Variants in AFAP1L2 observed in about 807,000 individuals in gnomAD.
AFAP1L2 encodes actin filament-associated protein 1-like 2.
Under a neutral mutation model 99.3 loss-of-function variants are expected in AFAP1L2, and 46 were observed. The observed-to-expected ratio is 0.46, with a 90% confidence interval of 0.37 to 0.59. The LOEUF (loss-of-function observed/expected upper bound fraction) is 0.59. Among genes scored for constraint, AFAP1L2 ranks in the 20% least tolerant of loss-of-function variants. AFAP1L2 has a pLI of 0.00. For missense variants in AFAP1L2, 959 were observed against 1,034.9 expected, an observed-to-expected ratio of 0.93 and a Z score of 1.01; for synonymous variants, 397 against 419.1, an observed-to-expected ratio of 0.95 and a Z score of 0.64.
intron 1 of AFAP1L2, among the ~76,000 whole-genome samples, chr10:114,381,429 GT>G: frequency 6.6e-6 from 1 of 152,224 alleles, no homozygotes; most frequent in Middle Eastern, 3.4e-3. Flanking sequence ...AAGGTACAAG[GT>G]TTTTTATTGA....
chr10:114,350,800 G>A (rs1404251896), intron 1 of AFAP1L2, among the ~76,000 whole-genome samples: 2 of 152,174 alleles, frequency 1.3e-5, no homozygotes, highest in Non-Finnish European at 2.9e-5. Flanking sequence ...CACGGTGAAA[G>A]AAACCCGACC....
intron 1 of AFAP1L2, among the ~76,000 whole-genome samples, chr10:114,384,775 G>A (rs887396783): frequency 5.3e-5 from 8 of 152,182 alleles, no homozygotes; most frequent in South Asian, 2.1e-4. Flanking sequence ...CAGGGACCAC[G>A]CCTCACCTCC....
In AFAP1L2 at chr10:114,302,414, G is replaced by T. The variant is rs574153491; in HGVS notation, c.1355C>A (p.Pro452Gln). Residue 452 changes from proline to glutamine, a missense_variant, in exon 12 of 19, where the codon CCA (proline) becomes CAA (glutamine). Transcript: ENST00000304129. ...CACATAGTCGTAGGTGAACTCTTCT[G>T]GGTCTGTCTTGGAGCCTGACTCAGA... The part of the protein sequence containing the change: ...LLSESGSKTD[P>Q]EEFTYDYVDA... 3 of 1,614,058 alleles carry T rather than the reference G, an allele frequency of 1.9e-6. No individual in the cohort carries two copies. Among genetic ancestry groups the T allele is most frequent in the Non-Finnish European group, 2.5e-6 (3 of 1,180,036 alleles).
At chr10:114,288,880 C>T in the AFAP1L2 span, 12 of 1,545,574 alleles carry the variant, frequency 7.8e-6, no homozygotes, top group East Asian at 2.3e-5. Context: ...CCCTGGGTCC[C>T]GTCGAGGGGC....
At chr10:114,404,320 G>A (rs986940836) in intron 1 of AFAP1L2, 120 bp downstream of exon 1, 1 of 1,168,678 alleles carries the variant, frequency 8.6e-7, no homozygotes, top group East Asian at 2.6e-5. Context: ...GGTCCGGGCT[G>A]GGTGGGGGCA....
At chr10:114,282,589 G>C in the AFAP1L2 span, 1 of 1,613,144 alleles carries the variant, frequency 6.2e-7, no homozygotes. Flanking sequence ...CTGTCTCTTG[G>C]ATTTACAGGT....
intron 1 of AFAP1L2, 145 bp from the exon 2 acceptor site, chr10:114,340,876 G>T (rs950599777): frequency 2.6e-6 from 3 of 1,135,834 alleles, no homozygotes; most frequent in Middle Eastern, 4.2e-4. Context: ...GCAGCGTATG[G>T]GGGGACTGGG....
At position 114,297,429 on chromosome 10, in the gene AFAP1L2, T is replaced by C; in HGVS notation, c.2114-16A>G. ...ACTTCCTTGTCTGGAGAGAGAATTA[T>C]GCAGGTGTCAGAGAACAGCATCTCA... On this transcript the variant is annotated splice_polypyrimidine_tract_variant and intron_variant, in intron 16 of 18. Transcript: ENST00000304129. The C allele has an allele frequency of 6.2e-7, 1 of 1,609,584 alleles. No homozygotes were observed. Among genetic ancestry groups the C allele is most frequent in the Non-Finnish European group, 8.5e-7 (1 of 1,179,116 alleles).
intron 1 of AFAP1L2, among the ~76,000 whole-genome samples, chr10:114,346,861 G>A (rs562937724): frequency 2.0e-4 from 30 of 152,284 alleles, no homozygotes; most frequent in Non-Finnish European, 2.8e-4. Context: ...CTCCTCTGTG[G>A]TGAAGCTCTT....
downstream of AFAP1L2, chr10:114,291,251 C>T (rs987257499): frequency 2.1e-5 from 33 of 1,549,866 alleles, no homozygotes; most frequent in African/African-American, 1.6e-4. Flanking sequence ...ACATGGCTCC[C>T]GTGCAGGAGG....
At chr10:114,343,205 C>A (rs921202172) in intron 1 of AFAP1L2, among the ~76,000 whole-genome samples, 2 of 152,126 alleles carry the variant, frequency 1.3e-5, no homozygotes, top group Admixed American at 6.5e-5. Flanking sequence ...CACTGAGAAC[C>A]CAAACAATTC....
intron 1 of AFAP1L2, among the ~76,000 whole-genome samples, chr10:114,352,259 G>A (rs946551909): frequency 1.3e-5 from 2 of 152,012 alleles, no homozygotes; most frequent in African/African-American, 4.8e-5. Context: ...ATCACCTGAG[G>A]TCAGGACTTT....
the AFAP1L2 span, chr10:114,280,916 T>A: frequency 8.6e-5 from 13 of 151,990 alleles, no homozygotes; most frequent in African/African-American, 2.7e-4. Context: ...TTTTTAAGAT[T>A]TTTTTTTATA....
At chr10:114,287,625 A>C in the AFAP1L2 span, among the ~76,000 whole-genome samples, 1 of 150,684 alleles carries the variant, frequency 6.6e-6, no homozygotes. Flanking sequence ...TTGGCTGCCC[A>C]CTCCCACCCT....
intron 1 of AFAP1L2, among the ~76,000 whole-genome samples, chr10:114,347,573 T>A (rs1172342361): frequency 2.0e-5 from 3 of 152,134 alleles, no homozygotes; most frequent in Non-Finnish European, 2.9e-5. Context: ...CCTCCCAGAC[T>A]CAAGTGAGTC....
In AFAP1L2 at chr10:114,297,094, C is replaced by T. The variant is rs1161768239; in HGVS notation, c.2314G>A (p.Ala772Thr). 3 of 1,614,146 alleles carry T rather than the reference C, an allele frequency of 1.9e-6. No individual in the cohort carries two copies. Among genetic ancestry groups the T allele is most frequent in the Non-Finnish European group, 1.7e-6 (2 of 1,180,020 alleles). ...HLENVSPRPK[A>T]VTPASAPDCT... ...TCTGGGGCAGAGGCAGGTGTGACAG[C>T]TTTGGGCTGTGGTTATAGGAGGAGA... Residue 772 changes from alanine to threonine, a missense_variant, in exon 18 of 19, where the codon GCT becomes ACT. Ala to Thr is a moderately conservative substitution (Grantham distance 58). Transcript: ENST00000304129.
chr10:114,314,094 G>T, intron 6 of AFAP1L2, 44 bp from the exon 7 acceptor site: 1 of 1,570,932 alleles, frequency 6.4e-7, no homozygotes. Context: ...CAGGGGTGCC[G>T]GGCGGAGGTG....
intron 15 of AFAP1L2, among the ~76,000 whole-genome samples, chr10:114,299,793 C>A (rs1389409184): frequency 6.6e-6 from 1 of 152,222 alleles, no homozygotes; most frequent in Admixed American, 6.5e-5. Context: ...GGCAGAAGAA[C>A]ATGGAAGGAC....
chr10:114,346,193 C>T (rs1218271628), intron 1 of AFAP1L2, among the ~76,000 whole-genome samples: 1 of 152,196 alleles, frequency 6.6e-6, no homozygotes, highest in African/African-American at 2.4e-5. Flanking sequence ...CCCTTCCTCT[C>T]TGGATCCATA....
Sources: allele counts gnomAD v4.1 joint callset (sites outside exome capture counted in the v4.1 genomes callset), GRCh38; gene constraint gnomAD v4.1.1; transcripts MANE v1.5; gene names NCBI Gene and HGNC (gene_info 2026-07-23, HGNC 2026-07-21).